The following ADGRB3 variants were observed in gnomAD, a reference collection of about 807,000 sequenced individuals.
ADGRB3 encodes the protein brain-specific angiogenesis inhibitor 3.
A neutral mutation model predicts 193.4 loss-of-function variants in ADGRB3; 37 were observed. That is an observed-to-expected ratio of 0.19 (90% CI 0.15 to 0.25). The LOEUF is 0.25. Ranked by LOEUF, ADGRB3 falls within the 10% of genes least tolerant of loss-of-function variation. The probability of loss-of-function intolerance (pLI) is 1.00; values close to 1 mark genes in which losing one functional copy is unlikely to be tolerated. For synonymous variants in ADGRB3, 690 were observed against 644.2 expected, an observed-to-expected ratio of 1.07 and a Z score of -1.08; for missense variants, 1,637 against 1,852.9, an observed-to-expected ratio of 0.88 and a Z score of 2.14.
At chr6:69,285,278 T>G (rs1767523407) in intron 20 of ADGRB3, among the ~76,000 whole-genome samples, 2 of 152,184 alleles carry the variant, frequency 1.3e-5, no homozygotes, top group Non-Finnish European at 2.9e-5. Context: ...TCATTTGTAG[T>G]CTAGTCTCCC....
At chr6:69,024,375 AAGTGCAGACAC>A (rs1423373605) in intron 13 of ADGRB3, among the ~76,000 whole-genome samples, 1 of 152,206 alleles carries the variant, frequency 6.6e-6, no homozygotes, top group Admixed American at 6.5e-5. Flanking sequence ...TCTCAAGGAA[AAGTGCAGACAC>A]AGTGAACAGG....
intron 8 of ADGRB3, among the ~76,000 whole-genome samples, chr6:68,969,021 A>G (rs1171541419): frequency 3.9e-5 from 6 of 152,058 alleles, no homozygotes; most frequent in African/African-American, 1.4e-4. Flanking sequence ...CAGTGCTGGT[A>G]TGTTATTTCC....
chr6:68,741,091 T>G (rs2127341010), intron 3 of ADGRB3, among the ~76,000 whole-genome samples: 1 of 152,126 alleles, frequency 6.6e-6, no homozygotes, highest in East Asian at 1.9e-4. Context: ...TCAGTTTGCT[T>G]GACAGGAAAA....
At chr6:68,932,304 G>A (rs1218790440) in intron 4 of ADGRB3, among the ~76,000 whole-genome samples, 1 of 152,136 alleles carries the variant, frequency 6.6e-6, no homozygotes, top group African/African-American at 2.4e-5. Context: ...ATTAGTTTAT[G>A]TGTAAATATT....
chr6:69,360,728 T>C (rs750879613), intron 28 of ADGRB3, 141 bp from the exon 29 acceptor site: 2 of 834,378 alleles, frequency 2.4e-6, no homozygotes, highest in Non-Finnish European at 3.6e-6. Context: ...TACAAACAAA[T>C]TGATATGTAT....
At chr6:68,707,909 A>T (rs1765351321) in intron 3 of ADGRB3, among the ~76,000 whole-genome samples, 2 of 152,192 alleles carry the variant, frequency 1.3e-5, no homozygotes, top group Admixed American at 1.3e-4. Context: ...TGAACGGGAA[A>T]GTCAGTGCCT....
At chr6:68,938,198 G>C (rs1367286268) in intron 5 of ADGRB3, among the ~76,000 whole-genome samples, 1 of 151,308 alleles carries the variant, frequency 6.6e-6, no homozygotes, top group Admixed American at 6.6e-5. Flanking sequence ...ACTAGAGCAA[G>C]AAAAAAGCAT....
chr6:69,181,836 A>G (rs1365148761), intron 17 of ADGRB3, among the ~76,000 whole-genome samples: 1 of 152,158 alleles, frequency 6.6e-6, no homozygotes, highest in African/African-American at 2.4e-5. Context: ...TTTTTTTACT[A>G]TAATCATTTA....
chr6:69,244,461 C>A (rs1766448705), intron 20 of ADGRB3, among the ~76,000 whole-genome samples: 1 of 152,056 alleles, frequency 6.6e-6, no homozygotes, highest in African/African-American at 2.4e-5. Context: ...CTTTCTTTTG[C>A]CAATAGTCCC....
chr6:68,909,118 G>A (rs6938903), intron 3 of ADGRB3, among the ~76,000 whole-genome samples: 4,586 of 152,192 alleles, frequency 0.03, 215 homozygotes, highest in African/African-American at 0.1. Context: ...TAGGTAATGT[G>A]TGTTAACAGG....
At chr6:69,336,021 T>G (rs1044078727) in intron 24 of ADGRB3, among the ~76,000 whole-genome samples, 41 of 152,158 alleles carry the variant, frequency 2.7e-4, no homozygotes, top group Middle Eastern at 3.4e-3. Context: ...CAAACTATAT[T>G]AATATTTTTT....
chr6:68,687,983 A>G (rs1231425974), intron 3 of ADGRB3, among the ~76,000 whole-genome samples: 3 of 152,136 alleles, frequency 2.0e-5, no homozygotes, highest in African/African-American at 7.2e-5. Flanking sequence ...ATTCCTGCCA[A>G]ACACATTCAG....
chr6:68,883,567 C>T (rs948616788), intron 3 of ADGRB3, among the ~76,000 whole-genome samples: 2 of 152,260 alleles, frequency 1.3e-5, no homozygotes, highest in South Asian at 2.1e-4. Context: ...AGCGAGACCA[C>T]GAACTCACTG....
chr6:69,122,169 T>C (rs919343674), intron 17 of ADGRB3, among the ~76,000 whole-genome samples: 2 of 151,800 alleles, frequency 1.3e-5, no homozygotes, highest in African/African-American at 2.4e-5. Context: ...ACAGTGAGCA[T>C]TGGGTGGGCG....
chr6:68,998,982 G>A (rs1769476504), intron 11 of ADGRB3, among the ~76,000 whole-genome samples: 1 of 152,110 alleles, frequency 6.6e-6, no homozygotes, highest in South Asian at 2.1e-4. Context: ...TTTGTGCCCT[G>A]TATGTAAGAA....
chr6:69,103,112 A>T (rs1773111150), intron 17 of ADGRB3, among the ~76,000 whole-genome samples: 1 of 152,214 alleles, frequency 6.6e-6, no homozygotes, highest in African/African-American at 2.4e-5. Flanking sequence ...CCTCAAAAAA[A>T]AATCACAAAT....
At chr6:69,335,358 G>A (rs1170393694) in intron 24 of ADGRB3, among the ~76,000 whole-genome samples, 2 of 151,988 alleles carry the variant, frequency 1.3e-5, no homozygotes, top group Non-Finnish European at 2.9e-5. Flanking sequence ...AGTTACTTAT[G>A]TTTCACTGGC....
chr6:69,042,045 G>A (rs545346816), intron 13 of ADGRB3, among the ~76,000 whole-genome samples: 2 of 152,060 alleles, frequency 1.3e-5, no homozygotes, highest in African/African-American at 2.4e-5. Context: ...TCTTGTTCTC[G>A]TGATAATTAA....
At chr6:68,956,830 T>C (rs1273548654) in intron 8 of ADGRB3, 21 bp downstream of exon 8, 6 of 1,594,924 alleles carry the variant, frequency 3.8e-6, no homozygotes, top group Non-Finnish European at 5.1e-6. Context: ...ACCCAAATTA[T>C]CCCAAAAGAA....
Sources: gnomAD v4.1 joint callset for allele counts (sites outside exome capture counted in the v4.1 genomes callset) on GRCh38, gnomAD v4.1.1 for gene constraint, MANE v1.5 for transcripts, NCBI Gene and HGNC (gene_info 2026-07-23, HGNC 2026-07-21) for gene names.